Variants in PTPRD observed in about 807,000 individuals in gnomAD.
PTPRD encodes receptor-type tyrosine-protein phosphatase delta.
Under a neutral mutation model 214.5 loss-of-function variants are expected in PTPRD, and 34 were observed. That is an observed-to-expected ratio of 0.16 (90% CI 0.12 to 0.21). The LOEUF is 0.21. Among genes scored for constraint, PTPRD ranks in the 10% least tolerant of loss-of-function variants. PTPRD has a pLI of 1.00. For missense variants in PTPRD, 2,545 were observed against 2,398.7 expected (o/e 1.06, Z -1.27); for synonymous variants, 1,128 against 845.7 (o/e 1.33, Z -5.79).
chr9:9,427,327 A>C lies in PTPRD; in HGVS notation c.-236-29845T>G, dbSNP rs949592997. Among the ~76,000 whole-genome samples the C allele has an allele frequency of 3.3e-5, 5 of 152,328 alleles. No individual in the cohort carries two copies. In the East Asian group the frequency reaches 5.8e-4, roughly 18 times the overall value. On this transcript the variant is annotated intron_variant, in intron 8 of 45. Coordinates refer to ENST00000381196, the MANE Select transcript of PTPRD (RefSeq NM_002839.4). ...AAAGGGTATCAGTGATGGAAGATCA[A>C]ATGAATGAAATGAAGCGAGAAGAGA...
chr9:8,617,875 C>A (rs1033368798), intron 14 of PTPRD, among the ~76,000 whole-genome samples: 2 of 152,102 alleles, frequency 1.3e-5, no homozygotes, highest in Non-Finnish European at 2.9e-5. Context: ...ACAGAACATA[C>A]TCAATAGGAA....
chr9:8,392,454 A>C (rs139869418), intron 36 of PTPRD, among the ~76,000 whole-genome samples: 14 of 152,194 alleles, frequency 9.2e-5, no homozygotes, highest in African/African-American at 3.4e-4. Context: ...TGAGTCCAGG[A>C]AGTCAAGGCT....
rs147243167 is a variant in PTPRD, at chr9:8,603,479, G to T, written c.352+29838C>A. 1.1e-3 allele frequency among the ~76,000 whole-genome samples: 169 copies of T among 152,058 alleles called. 2 individuals are homozygous for T. The highest frequency in any genetic ancestry group is 4.0e-3 in the African/African-American group (164 of 41,472). On this transcript the variant is annotated intron_variant, in intron 14 of 45. Transcript: ENST00000381196. The stretch of plus-strand genomic sequence containing the variant: ...AACACTGGAGCTACATCTCCTTAAC[G>T]GTTTGCTTTCTCACTTATTTGAGAA...
chr9:8,925,795 G>A (rs537741279), intron 11 of PTPRD, among the ~76,000 whole-genome samples: 4 of 149,462 alleles, frequency 2.7e-5, no homozygotes, highest in South Asian at 4.2e-4. Context: ...GAGAACTGCT[G>A]TAATTAGTTC....
chr9:10,194,008 T>C (rs986401552), intron 3 of PTPRD, among the ~76,000 whole-genome samples: 18 of 152,092 alleles, frequency 1.2e-4, no homozygotes, highest in African/African-American at 4.3e-4. Context: ...CCCGTTCACC[T>C]ATTTATGTTC....
chr9:8,789,284 G>C (rs903445400), intron 11 of PTPRD, among the ~76,000 whole-genome samples: 1 of 152,136 alleles, frequency 6.6e-6, no homozygotes, highest in African/African-American at 2.4e-5. Context: ...AGCCACCATA[G>C]CTGATTGGCA....
chr9:8,549,440 T>C lies in PTPRD; in HGVS notation c.353-20661A>G, dbSNP rs186374026. On this transcript the variant is annotated intron_variant, in intron 14 of 45. Coordinates refer to ENST00000381196, the MANE Select transcript of PTPRD (RefSeq NM_002839.4). ...GCTGGAATCATGCAGATGGATGAGA[T>C]GACCCAGCAAAGAATTTACAGTGAG... Among the ~76,000 whole-genome samples, 21 of 152,306 alleles carry C rather than the reference T, an allele frequency of 1.4e-4. No individual in the cohort carries two copies. In the South Asian group the frequency reaches 2.3e-3, roughly 17 times the overall value.
chr9:9,586,897 T>C (rs2092065862), intron 7 of PTPRD, among the ~76,000 whole-genome samples: 1 of 152,030 alleles, frequency 6.6e-6, no homozygotes, highest in Non-Finnish European at 1.5e-5. Flanking sequence ...ATGATCTTAT[T>C]CTTCTTCATC....
At chr9:9,065,642 T>G (rs2099727810) in intron 10 of PTPRD, among the ~76,000 whole-genome samples, 2 of 152,158 alleles carry the variant, frequency 1.3e-5, no homozygotes, top group South Asian at 4.1e-4. Flanking sequence ...ATTATGGGAT[T>G]ACAAGCTATG....
chr9:10,472,332 A>T (rs928678740), intron 2 of PTPRD, among the ~76,000 whole-genome samples: 1 of 152,178 alleles, frequency 6.6e-6, no homozygotes, highest in Admixed American at 6.6e-5. Context: ...TTGAAATTAA[A>T]TGTTTGTACT....
intron 39 of PTPRD, among the ~76,000 whole-genome samples, chr9:8,371,273 T>C (rs1018736319): frequency 2.0e-5 from 3 of 152,006 alleles, no homozygotes; most frequent in African/African-American, 7.2e-5. Flanking sequence ...AAAAAATCAG[T>C]CCAGCCTTGA....
chr9:9,811,916 T>C, intron 5 of PTPRD, among the ~76,000 whole-genome samples: 1 of 152,134 alleles, frequency 6.6e-6, no homozygotes, highest in Non-Finnish European at 1.5e-5. Flanking sequence ...TACATAGAAA[T>C]CTTTCAGGAC....
intron 10 of PTPRD, among the ~76,000 whole-genome samples, chr9:9,173,018 T>G (rs1263841257): frequency 6.6e-6 from 1 of 152,152 alleles, no homozygotes; most frequent in Admixed American, 6.6e-5. Context: ...GCAGCTAACA[T>G]GGCCTTCGTT....
chr9:10,459,166 G>A (rs1247906193), intron 2 of PTPRD, among the ~76,000 whole-genome samples: 1 of 152,194 alleles, frequency 6.6e-6, no homozygotes, highest in African/African-American at 2.4e-5. Flanking sequence ...CTCTGTCCTT[G>A]TGCCAGTTTG....
At chr9:8,952,771 G>C (rs912050372) in intron 11 of PTPRD, among the ~76,000 whole-genome samples, 2 of 151,918 alleles carry the variant, frequency 1.3e-5, no homozygotes, top group African/African-American at 4.8e-5. Context: ...AAGTGATCAT[G>C]TGGTAAAAAA....
At chr9:8,339,199 T>G (rs1367685593) in intron 42 of PTPRD, 152 bp from the exon 43 acceptor site, 1 of 788,426 alleles carries the variant, frequency 1.3e-6, no homozygotes, top group Non-Finnish European at 1.8e-6. Context: ...ACTCATTTCC[T>G]CTTAGAAACC....
chr9:8,759,236 G>C (rs191835702), intron 11 of PTPRD, among the ~76,000 whole-genome samples: 1 of 152,066 alleles, frequency 6.6e-6, no homozygotes, highest in Non-Finnish European at 1.5e-5. Flanking sequence ...TATTTTCATA[G>C]AGATAGGGTT....
At chr9:8,339,225 AG>A (rs1849989242) in intron 42 of PTPRD, among the ~76,000 whole-genome samples, 178 bp from the exon 43 acceptor site, 1 of 152,122 alleles carries the variant, frequency 6.6e-6, no homozygotes, top group South Asian at 2.1e-4. Context: ...CTCCCTTCAT[AG>A]GGAAACCCTT....
chr9:10,415,317 CAT>C (rs1007800098), intron 2 of PTPRD, among the ~76,000 whole-genome samples: 11 of 151,698 alleles, frequency 7.3e-5, no homozygotes, highest in Non-Finnish European at 1.6e-4. Flanking sequence ...CACACACACA[CAT>C]ATATATGTAC....
Sources: allele counts gnomAD v4.1 joint callset (sites outside exome capture counted in the v4.1 genomes callset), GRCh38; gene constraint gnomAD v4.1.1; transcripts MANE v1.5; gene names NCBI Gene and HGNC (gene_info 2026-07-23, HGNC 2026-07-21).